The following STK32B variants were observed in gnomAD, a reference collection of about 807,000 sequenced individuals.
STK32B encodes the protein serine/threonine-protein kinase 32B.
In STK32B, 43 loss-of-function variants were observed where a neutral mutation model predicts 52.6. That is an observed-to-expected ratio of 0.82 (90% CI 0.64 to 1.05). The LOEUF (loss-of-function observed/expected upper bound fraction) is 1.05, where lower values mean the gene tolerates loss of function less well. Among genes scored for constraint, STK32B ranks in the 50% least tolerant of loss-of-function variants. STK32B has a pLI of 0.00. For missense variants in STK32B, 621 were observed against 534.6 expected, an observed-to-expected ratio of 1.16 and a Z score of -1.59; for synonymous variants, 238 against 204.3, an observed-to-expected ratio of 1.17 and a Z score of -1.41.
chr4:5,251,732 T>C (rs912416378), intron 3 of STK32B, among the ~76,000 whole-genome samples: 9 of 152,356 alleles, frequency 5.9e-5, no homozygotes, highest in African/African-American at 1.9e-4. Flanking sequence ...CCATTTGTTA[T>C]GTCATCTCTG....
At chr4:5,446,848 G>A in intron 7 of STK32B, 72 bp downstream of exon 7, 1 of 1,497,338 alleles carries the variant, frequency 6.7e-7, no homozygotes, top group South Asian at 1.1e-5. Flanking sequence ...TGGACGGGCA[G>A]AGTCGGCAGG....
At chr4:5,229,271 C>G (rs1207685406) in intron 3 of STK32B, among the ~76,000 whole-genome samples, 1 of 151,236 alleles carries the variant, frequency 6.6e-6, no homozygotes, top group Non-Finnish European at 1.5e-5. Context: ...AAAATGATGC[C>G]ACAACTTAAA....
rs542298906 is a variant in STK32B, at chr4:5,469,865, C to G, written c.1106+1795C>G. ...TTATCCCAATTTGCCTGTGGTCCTG[C>G]CTGCTCTGAGGCTCATGGCCCTTCC... is the stretch of plus-strand genomic sequence containing the variant. On this transcript the variant is annotated intron_variant, in intron 11 of 11. Coordinates refer to ENST00000282908, the MANE Select transcript of STK32B (RefSeq NM_018401.3). The surrounding 1 kb of genome is among the most constrained non-coding windows in gnomAD (Gnocchi z 4.7). 6.6e-6 allele frequency among the ~76,000 whole-genome samples: 1 copy of G among 152,322 alleles called. No homozygotes were observed. The highest frequency in any genetic ancestry group is 2.4e-5 in the African/African-American group (1 of 41,582).
intron 6 of STK32B, among the ~76,000 whole-genome samples, chr4:5,436,423 A>G (rs772342356): frequency 6.6e-6 from 1 of 152,204 alleles, no homozygotes; most frequent in Non-Finnish European, 1.5e-5. Flanking sequence ...ATCCAGTGGC[A>G]TTGCAAGGAA....
At chr4:5,217,819 T>C (rs979489685) in intron 3 of STK32B, among the ~76,000 whole-genome samples, 1 of 152,166 alleles carries the variant, frequency 6.6e-6, no homozygotes, top group Admixed American at 6.5e-5. Flanking sequence ...AACAAAAGTG[T>C]CAGCTTCAGT....
At chr4:5,034,950 A>T in the STK32B span, among the ~76,000 whole-genome samples, 1 of 152,210 alleles carries the variant, frequency 6.6e-6, no homozygotes, top group Non-Finnish European at 1.5e-5. Context: ...CTTCCTTTGA[A>T]TGGTGCTAAC....
At chr4:5,070,966 C>T (rs1401683511) in intron 1 of STK32B, among the ~76,000 whole-genome samples, 2 of 152,160 alleles carry the variant, frequency 1.3e-5, no homozygotes, top group Admixed American at 1.3e-4. Context: ...AACCTCTGCT[C>T]CTGTACATGC....
intron 3 of STK32B, among the ~76,000 whole-genome samples, chr4:5,231,894 G>T (rs561497894): frequency 1.1e-4 from 17 of 152,304 alleles, no homozygotes; most frequent in African/African-American, 3.8e-4. Flanking sequence ...GCAGAGCCTT[G>T]TGCTGAGATG....
intron 3 of STK32B, among the ~76,000 whole-genome samples, chr4:5,301,657 T>A (rs1729560925): frequency 7.6e-6 from 1 of 131,378 alleles, no homozygotes; most frequent in Non-Finnish European, 1.5e-5. Flanking sequence ...TTGAGTTTCT[T>A]TTCTTTCTTT....
At chr4:5,089,670 G>A (rs577792374) in intron 1 of STK32B, among the ~76,000 whole-genome samples, 7 of 152,252 alleles carry the variant, frequency 4.6e-5, no homozygotes, top group African/African-American at 1.4e-4. Context: ...ACCTAGGTGT[G>A]CATGTGTCTT....
chr4:5,156,012 G>A (rs933352558), intron 2 of STK32B, among the ~76,000 whole-genome samples: 8 of 151,456 alleles, frequency 5.3e-5, no homozygotes, highest in African/African-American at 1.9e-4. Context: ...CCACTAAACA[G>A]TATATATGTA....
chr4:5,301,093 G>C (rs527764960), intron 3 of STK32B, among the ~76,000 whole-genome samples: 1 of 151,762 alleles, frequency 6.6e-6, no homozygotes, highest in East Asian at 1.9e-4. Flanking sequence ...ACTGATTTTC[G>C]TATGTTAGAC....
intron 11 of STK32B, among the ~76,000 whole-genome samples, chr4:5,495,076 G>T (rs944811361): frequency 6.6e-6 from 1 of 152,124 alleles, no homozygotes; most frequent in Non-Finnish European, 1.5e-5. Context: ...TTCTCGAGGA[G>T]TATCTTTGTG....
At chr4:5,145,310 A>G (rs754414988) in intron 2 of STK32B, among the ~76,000 whole-genome samples, 2 of 152,150 alleles carry the variant, frequency 1.3e-5, no homozygotes, top group Non-Finnish European at 2.9e-5. Flanking sequence ...ATATTTGTAC[A>G]TTTCTCCTTA....
intron 6 of STK32B, among the ~76,000 whole-genome samples, chr4:5,432,980 G>T (rs186702575): frequency 2.9e-4 from 44 of 152,252 alleles, no homozygotes; most frequent in Admixed American, 2.6e-3. Context: ...AGTAAGCATG[G>T]GAGCTGAGGT....
intron 2 of STK32B, among the ~76,000 whole-genome samples, chr4:5,154,387 G>C (rs770942175): frequency 6.6e-6 from 1 of 151,974 alleles, no homozygotes; most frequent in South Asian, 2.1e-4. Flanking sequence ...GGTTAATTTT[G>C]TATTTTTAGT....
At chr4:5,408,904 C>T (rs931670619) in intron 5 of STK32B, among the ~76,000 whole-genome samples, 7 of 152,068 alleles carry the variant, frequency 4.6e-5, no homozygotes, top group African/African-American at 9.7e-5. Context: ...TTTTACTTGT[C>T]GGAGCTTCAT....
At chr4:5,179,767 A>C (rs991482456) in intron 3 of STK32B, among the ~76,000 whole-genome samples, 1 of 152,208 alleles carries the variant, frequency 6.6e-6, no homozygotes, top group African/African-American at 2.4e-5. Context: ...CACAAAAGGG[A>C]ATTGGCTTTT....
intron 1 of STK32B, among the ~76,000 whole-genome samples, chr4:5,127,886 C>T (rs1444489671): frequency 1.3e-5 from 2 of 152,088 alleles, no homozygotes; most frequent in African/African-American, 4.8e-5. Context: ...GTAAATAAGT[C>T]TCACGAGATC....
Sources: gnomAD v4.1 joint callset for allele counts (sites outside exome capture counted in the v4.1 genomes callset) on GRCh38, gnomAD v4.1.1 for gene constraint, Gnocchi (gnomAD v3.1) non-coding constraint, MANE v1.5 for transcripts, NCBI Gene and HGNC (gene_info 2026-07-23, HGNC 2026-07-21) for gene names.